Variants in GALK2 observed in about 807,000 individuals in gnomAD.
GALK2 encodes galactokinase 2.
A neutral mutation model predicts 52.4 loss-of-function variants in GALK2; 36 were observed. That is an observed-to-expected ratio of 0.69 (90% CI 0.53 to 0.91). The LOEUF is 0.91. Among genes scored for constraint, GALK2 ranks in the 40% least tolerant of loss-of-function variants. The probability of loss-of-function intolerance (pLI) is 0.00; values close to 1 mark genes in which losing one functional copy is unlikely to be tolerated. For missense variants in GALK2, 579 were observed against 559.1 expected, an observed-to-expected ratio of 1.04 and a Z score of -0.36; for synonymous variants, 176 against 199.1, an observed-to-expected ratio of 0.88 and a Z score of 0.98.
chr15:49,249,767 G>A (rs2091509174), intron 5 of GALK2, among the ~76,000 whole-genome samples: 1 of 152,164 alleles, frequency 6.6e-6, no homozygotes, highest in African/African-American at 2.4e-5. Context: ...AGAAATCAAT[G>A]TACTTTATGT....
At chr15:49,184,217 TA>T (rs1203425318) in intron 1 of GALK2, among the ~76,000 whole-genome samples, 3 of 152,200 alleles carry the variant, frequency 2.0e-5, no homozygotes, top group Admixed American at 2.0e-4. Flanking sequence ...TATCATTATA[TA>T]ATGACCTTCT....
chr15:49,318,952 T>C (rs1330902942), intron 8 of GALK2: 1 of 448,566 alleles, frequency 2.2e-6, no homozygotes, highest in East Asian at 7.0e-5. Flanking sequence ...TTTTCTTTCT[T>C]TCTTTTTTTT....
At chr15:49,220,749 T>C (rs191154099) in intron 3 of GALK2, among the ~76,000 whole-genome samples, 36 of 152,326 alleles carry the variant, frequency 2.4e-4, no homozygotes, top group African/African-American at 7.9e-4. Context: ...ATCTGTTTTC[T>C]TTAGTCTTAT....
At chr15:49,284,963 A>G (rs1052062524) in intron 7 of GALK2, among the ~76,000 whole-genome samples, 2 of 152,122 alleles carry the variant, frequency 1.3e-5, no homozygotes, top group African/African-American at 4.8e-5. Context: ...AGAAAAGTCT[A>G]CCCTAAGCCT....
downstream of GALK2, among the ~76,000 whole-genome samples, chr15:49,334,803 G>C (rs2039421614): frequency 6.6e-6 from 1 of 152,134 alleles, no homozygotes; most frequent in Admixed American, 6.5e-5. Context: ...TAAAGGCAAT[G>C]ACATCTCAAG....
chr15:49,365,471 C>G (rs1375565241), intron 3 of GALK2: 1 of 867,806 alleles, frequency 1.2e-6, no homozygotes, highest in African/African-American at 1.6e-5. Flanking sequence ...AATATTGAAA[C>G]AGGCATGATG....
chr15:49,270,063 C>A (rs190811301), intron 5 of GALK2, among the ~76,000 whole-genome samples: 32 of 152,272 alleles, frequency 2.1e-4, no homozygotes, highest in African/African-American at 6.5e-4. Context: ...ATCATCGCTC[C>A]CCTAACGTAA....
chr15:49,172,276 A>G (rs986912734), intron 1 of GALK2, among the ~76,000 whole-genome samples: 1 of 152,124 alleles, frequency 6.6e-6, no homozygotes, highest in Non-Finnish European at 1.5e-5. Flanking sequence ...GCTTTTCATG[A>G]TTTTTATATT....
intron 3 of GALK2, among the ~76,000 whole-genome samples, chr15:49,359,691 G>C (rs1246956528): frequency 1.5e-5 from 2 of 137,806 alleles, no homozygotes; most frequent in African/African-American, 5.5e-5. Context: ...CGATTCCTCA[G>C]GGATCTAGAA....
At chr15:49,326,839 C>A (rs573782753) in intron 9 of GALK2, 2 of 151,876 alleles carry the variant, frequency 1.3e-5, no homozygotes, top group African/African-American at 2.4e-5. Flanking sequence ...TGAGAAGAAT[C>A]ACTGACAGGA....
chr15:49,307,983 G>GA (rs1490097988), intron 8 of GALK2, among the ~76,000 whole-genome samples: 1 of 152,160 alleles, frequency 6.6e-6, no homozygotes, highest in African/African-American at 2.4e-5. Context: ...TAATGTGGCT[G>GA]AAAACAGCAG....
chr15:49,199,447 GTGA>G (rs1192420712), intron 1 of GALK2, among the ~76,000 whole-genome samples: 13 of 152,280 alleles, frequency 8.5e-5, no homozygotes, highest in African/African-American at 2.9e-4. Context: ...TGTATTTTGA[GTGA>G]TATGCTAGCG....
At position 49,328,966 on chromosome 15, in the gene GALK2, C is replaced by T; in HGVS notation, c.*807C>T. On this transcript the variant is annotated 3_prime_UTR_variant, in exon 10 of 10. Transcript: ENST00000560031. ...TATTCACATTGAAATAAAGAATTAT[C>T]TAGATGATAATTCAGATAATTCAGT... 3.7e-6 allele frequency: 4 copies of T among 1,073,246 alleles called. No individual in the cohort carries two copies. The highest frequency in any genetic ancestry group is 4.5e-6 in the Non-Finnish European group (4 of 881,336). 66.5% of individuals were successfully genotyped at this position (1,073,246 alleles called of 1,614,324 possible).
At chr15:49,240,710 A>C (rs1273886411) in intron 5 of GALK2, among the ~76,000 whole-genome samples, 2 of 152,198 alleles carry the variant, frequency 1.3e-5, no homozygotes, top group Non-Finnish European at 2.9e-5. Flanking sequence ...TGTTGGAGTA[A>C]CAAAAAAAAT....
intron 3 of GALK2, among the ~76,000 whole-genome samples, chr15:49,228,839 C>T (rs1361610247): frequency 1.3e-5 from 2 of 149,962 alleles, no homozygotes; most frequent in African/African-American, 4.9e-5. Flanking sequence ...GGATTACAGG[C>T]ACCCACCACC....
intron 8 of GALK2, among the ~76,000 whole-genome samples, chr15:49,297,051 A>G (rs1181858027): frequency 6.6e-6 from 1 of 152,228 alleles, no homozygotes; most frequent in Non-Finnish European, 1.5e-5. Context: ...TCTCACTAGC[A>G]GTGTATAAAC....
chr15:49,180,218 A>C (rs927623876), intron 1 of GALK2, among the ~76,000 whole-genome samples: 5 of 152,212 alleles, frequency 3.3e-5, no homozygotes, highest in African/African-American at 1.2e-4. Flanking sequence ...TGCAGTCCTT[A>C]TAAAAACAAA....
At chr15:49,339,254 C>T (rs928822859) in intron 3 of GALK2, among the ~76,000 whole-genome samples, 1 of 152,276 alleles carries the variant, frequency 6.6e-6, no homozygotes, top group Middle Eastern at 3.4e-3. Flanking sequence ...TGGTTTCTCC[C>T]CATCTTCATG....
chr15:49,233,399 A>G (rs973394317), intron 3 of GALK2, among the ~76,000 whole-genome samples: 6 of 152,180 alleles, frequency 3.9e-5, no homozygotes, highest in Non-Finnish European at 5.9e-5. Flanking sequence ...GGGAATCACA[A>G]CTTGGCATGA....
Sources: allele counts gnomAD v4.1 joint callset (sites outside exome capture counted in the v4.1 genomes callset), GRCh38; gene constraint gnomAD v4.1.1; transcripts MANE v1.5; gene names NCBI Gene and HGNC (gene_info 2026-07-23, HGNC 2026-07-21).